CEP131: variants seen among roughly 807,000 people sequenced by gnomAD.
CEP131 encodes centrosomal protein of 131 kDa.
A neutral mutation model predicts 136.8 loss-of-function variants in CEP131; 99 were observed. The ratio of observed to expected loss-of-function variants is 0.72; its 90% CI spans 0.62 to 0.86. The LOEUF (loss-of-function observed/expected upper bound fraction) is 0.86. Ranked by LOEUF, CEP131 falls within the 40% of genes least tolerant of loss-of-function variation. The pLI is 0.00. For synonymous variants in CEP131, 646 were observed against 612.7 expected (o/e 1.05, Z -0.80); for missense variants, 1,459 against 1,463.0 (o/e 1.00, Z 0.04).
At chr17:81,204,019 C>G (rs1178265090) in intron 5 of CEP131, 2 of 175,138 alleles carry the variant, frequency 1.1e-5, no homozygotes, top group African/African-American at 4.7e-5. Context: ...AGGACAGGAC[C>G]AATACCGAGG....
chr17:81,192,931 C>A, intron 18 of CEP131, 88 bp from the exon 19 acceptor site: 1 of 1,512,484 alleles, frequency 6.6e-7, no homozygotes. Context: ...GACCACAGGC[C>A]TGACTCACAG....
In CEP131 at chr17:81,215,014, T is replaced by TG. The variant is rs2062215460; in HGVS notation, c.177+4865dup. ...GGATGGTCTCAATCTCCTGGCCTCGTGATCTGCTTGCCTCAACCTCCCAAA... is the reference window on the plus strand; with the variant it reads ...GGATGGTCTCAATCTCCTGGCCTCGTGGATCTGCTTGCCTCAACCTCCCAAA... On this transcript the variant is annotated intron_variant, in intron 2 of 25. Coordinates refer to ENST00000450824, the MANE Select transcript of CEP131 (RefSeq NM_014984.4). This position sits in a 1 kb window ranked among gnomAD's most constrained non-coding sequence, Gnocchi z 4.1. 6.6e-6 allele frequency among the ~76,000 whole-genome samples: 1 copy of TG among 151,922 alleles called. No individual in the cohort carries two copies. The highest frequency in any genetic ancestry group is 1.5e-5 in the Non-Finnish European group (1 of 67,972).
rs1567873157 is a variant in CEP131 at position 81,208,112 on chromosome 17, CCA to C, written c.272+814_272+815del. Reference sequence around the variant, plus strand: ...ACACACACACACTTATGCCACACACCCACACACCACACACATACCACACACAC... The same window carrying C: ...ACACACACACACTTATGCCACACACCCACACCACACACATACCACACACAC... On this transcript the variant is annotated intron_variant, in intron 3 of 25. Coordinates refer to ENST00000450824, the MANE Select transcript of CEP131 (RefSeq NM_014984.4). The surrounding 1 kb of genome is among the most constrained non-coding windows in gnomAD (Gnocchi z 5.6). Among the ~76,000 whole-genome samples, 1 of 135,156 alleles carries C rather than the reference CCA, an allele frequency of 7.4e-6. No individual in the cohort carries two copies. Among genetic ancestry groups the C allele is most frequent in the East Asian group, 2.3e-4 (1 of 4,342 alleles). 88.7% of individuals were successfully genotyped at this position (135,156 alleles called of 152,430 possible).
chr17:81,213,239 A>G (rs529967672), intron 2 of CEP131, among the ~76,000 whole-genome samples: 3 of 152,358 alleles, frequency 2.0e-5, no homozygotes, highest in African/African-American at 7.2e-5. Flanking sequence ...AATATCCACG[A>G]GTCCATTATA....
At chr17:81,194,726 G>A (rs554494171) in intron 17 of CEP131, 144 bp downstream of exon 17, 8 of 761,400 alleles carry the variant, frequency 1.1e-5, no homozygotes, top group East Asian at 7.4e-5. Context: ...AGGCCGTGAC[G>A]GGGGTGGTTG....
intron 16 of CEP131, among the ~76,000 whole-genome samples, chr17:81,195,484 C>T (rs2061734069): frequency 6.6e-6 from 1 of 152,226 alleles, no homozygotes; most frequent in Non-Finnish European, 1.5e-5. Context: ...TCCACCGACA[C>T]CTGGTCAGTA....
At chr17:81,212,893 A>G (rs1430860481) in intron 2 of CEP131, among the ~76,000 whole-genome samples, 1 of 152,198 alleles carries the variant, frequency 6.6e-6, no homozygotes, top group Non-Finnish European at 1.5e-5. Flanking sequence ...CGTACACTAC[A>G]TACTTCCTTG....
chr17:81,204,730 C>A (rs1389532729), intron 5 of CEP131, among the ~76,000 whole-genome samples: 1 of 147,072 alleles, frequency 6.8e-6, no homozygotes, highest in Non-Finnish European at 1.5e-5. Context: ...CAGCCTGCAC[C>A]TGCACCGGAC....
rs775545363 is a variant in CEP131, at chr17:81,191,129, C to T, written c.2766-45G>A. 17 of 1,603,730 alleles carry T rather than the reference C, an allele frequency of 1.1e-5. No individual in the cohort carries two copies. In the Admixed American group the frequency reaches 1.3e-4, roughly 13 times the overall value. ...AGGGTCACTCCAGCCCAGTCACACA[C>T]GGGTCCTTGCGCCTCAGCTCGTGGG... On this transcript the variant is annotated intron_variant, in intron 22 of 25. Transcript: ENST00000450824.
chr17:81,219,944 G>A lies in CEP131; in HGVS notation c.113C>T (p.Thr38Ile). Residue 38 changes from threonine (T) to isoleucine (I), a missense_variant, in exon 2 of 26, where the codon ACC becomes ATC. Transcript: ENST00000450824. The surrounding 1 kb of genome is among the most constrained non-coding windows in gnomAD (Gnocchi z 4.0). Reference protein sequence around the residue: ...PVSRRPGSAATTKPIVRSVSV... With the variant: ...PVSRRPGSAAITKPIVRSVSV... ...GACAGAGCGGACGATGGGCTTGGTGGTGGCGGCACTGCCAGGACGCCGGGA... is the reference window on the plus strand; with the variant it reads ...GACAGAGCGGACGATGGGCTTGGTGATGGCGGCACTGCCAGGACGCCGGGA... The A allele has an allele frequency of 6.2e-7, 1 of 1,612,354 alleles. No individual in the cohort carries two copies. The highest frequency in any genetic ancestry group is 8.5e-7 in the Non-Finnish European group (1 of 1,179,304).
rs906688086 is a variant in CEP131, at chr17:81,199,838, G to A, written c.907-3C>T. 5 of 1,610,078 alleles carry A rather than the reference G, an allele frequency of 3.1e-6. No homozygotes were observed. The highest frequency in any genetic ancestry group is 4.2e-6 in the Non-Finnish European group (5 of 1,179,832). On this transcript the variant is annotated splice_polypyrimidine_tract_variant and splice_region_variant and intron_variant, in intron 8 of 25. Transcript: ENST00000450824. The stretch of plus-strand genomic sequence containing the variant: ...TCGCCTGACCGCTGCCGCTGCTCCT[G>A]CCAAAGAAGCCGGTGCCATGTGGCG...
At chr17:81,194,821 C>A (rs765095621) in intron 17 of CEP131, 49 bp downstream of exon 17, 1 of 1,482,286 alleles carries the variant, frequency 6.7e-7, no homozygotes, top group Non-Finnish European at 9.4e-7. Flanking sequence ...AAGCCCTGGC[C>A]GCAGCACCCA....
chr17:81,194,626 G>A (rs868793683), intron 17 of CEP131, among the ~76,000 whole-genome samples: 2 of 152,330 alleles, frequency 1.3e-5, no homozygotes, highest in Non-Finnish European at 2.9e-5. Flanking sequence ...GAGCCCCCTC[G>A]TTTCAGGCAA....
At chr17:81,220,550 A>G (rs1465847761) in intron 1 of CEP131, among the ~76,000 whole-genome samples, 1 of 152,184 alleles carries the variant, frequency 6.6e-6, no homozygotes, top group Non-Finnish European at 1.5e-5. Context: ...GCTGGAGTGC[A>G]GTGGCGCGAT....
intron 5 of CEP131, among the ~76,000 whole-genome samples, chr17:81,206,156 G>A (rs1394134205): frequency 2.0e-5 from 3 of 152,062 alleles, no homozygotes; most frequent in South Asian, 2.1e-4. Context: ...AGAGGTTGCA[G>A]TGAGCCGAGA....
chr17:81,192,230 G>A, intron 21 of CEP131, 88 bp downstream of exon 21: 1 of 1,296,970 alleles, frequency 7.7e-7, no homozygotes, highest in African/African-American at 1.5e-5. Context: ...TGCCACAGCA[G>A]CAGCAAAACC....
At position 81,215,455 on chromosome 17, in the gene CEP131, A is replaced by G. The variant is rs1007122479; in HGVS notation, c.177+4425T>C. On this transcript the variant is annotated intron_variant, in intron 2 of 25. Coordinates refer to ENST00000450824, the MANE Select transcript of CEP131 (RefSeq NM_014984.4). This position sits in a 1 kb window ranked among gnomAD's most constrained non-coding sequence, Gnocchi z 4.1. Reference sequence around the variant, plus strand: ...TTGAAATGGAGTCTCGCTGTCACCCAGGCTAGAGTGTGGTGGTGCGATCTT... The same window carrying G: ...TTGAAATGGAGTCTCGCTGTCACCCGGGCTAGAGTGTGGTGGTGCGATCTT... Among the ~76,000 whole-genome samples, 16 of 151,964 alleles carry G rather than the reference A, an allele frequency of 1.1e-4. No individual in the cohort carries two copies. Among genetic ancestry groups the G allele is most frequent in the African/African-American group, 3.4e-4 (14 of 41,358 alleles).
intron 2 of CEP131, among the ~76,000 whole-genome samples, chr17:81,216,189 G>A (rs1342046261): frequency 6.6e-6 from 1 of 151,976 alleles, no homozygotes; most frequent in Non-Finnish European, 1.5e-5. Flanking sequence ...GCGAAACCCC[G>A]TCGCTACTAA....
At chr17:81,209,568 TCAGAGCGCTCGGAGAAGCGGACGCTAAGC>T in intron 2 of CEP131, among the ~76,000 whole-genome samples, 1 of 100,110 alleles carries the variant, frequency 1.0e-5, no homozygotes, top group Non-Finnish European at 2.2e-5. Context: ...TAAGCAAGGA[TCAGAGCGCTCGGAGAAGCGGACGCTAAGC>T]GAGGATCAGA....
Sources: allele counts gnomAD v4.1 joint callset (sites outside exome capture counted in the v4.1 genomes callset), GRCh38; gene constraint gnomAD v4.1.1; non-coding constraint Gnocchi (gnomAD v3.1); transcripts MANE v1.5; gene names NCBI Gene and HGNC (gene_info 2026-07-23, HGNC 2026-07-21).